TTBK1: variants seen among roughly 807,000 people sequenced by gnomAD.
TTBK1 encodes the protein tau-tubulin kinase 1.
A neutral mutation model predicts 108.5 loss-of-function variants in TTBK1; 34 were observed. The observed-to-expected ratio is 0.31, with a 90% CI of 0.24 to 0.42. The LOEUF (loss-of-function observed/expected upper bound fraction) is 0.42, where lower values mean the gene tolerates loss of function less well. Among genes scored for constraint, TTBK1 ranks in the 10% least tolerant of loss-of-function variants. TTBK1 has a pLI of 1.00. For missense variants in TTBK1, 1,539 were observed against 1,826.0 expected (o/e 0.84, Z 2.86); for synonymous variants, 809 against 795.1 (o/e 1.02, Z -0.29).
At chr6:43,274,297 A>G (rs1165970351) in intron 13 of TTBK1, among the ~76,000 whole-genome samples, 1 of 151,930 alleles carries the variant, frequency 6.6e-6, no homozygotes, top group Non-Finnish European at 1.5e-5. Context: ...TGGGTGGGGG[A>G]TGGTGGCACC....
chr6:43,272,082 G>A, intron 13 of TTBK1: 1 of 985,476 alleles, frequency 1.0e-6, no homozygotes, highest in Non-Finnish European at 1.2e-6. Context: ...TGCTGGCACT[G>A]CCTCCCCCAG....
rs1442320891 is a variant in TTBK1 at position 43,282,245 on chromosome 6, C to T, written c.1987-482C>T. Among the ~76,000 whole-genome samples the T allele has an allele frequency of 3.9e-5, 6 of 152,212 alleles. No individual in the cohort carries two copies. The highest frequency in any genetic ancestry group is 1.3e-4 in the Admixed American group (2 of 15,282). Reference sequence around the variant, plus strand: ...TACTGAGGGCATCTAGGAGCCAGCCCGGCACAGCCCATCCAGGAAGTGGCA... The same window carrying T: ...TACTGAGGGCATCTAGGAGCCAGCCTGGCACAGCCCATCCAGGAAGTGGCA... On this transcript the variant is annotated intron_variant, in intron 13 of 14. Transcript: ENST00000259750. The surrounding 1 kb of genome is among the most constrained non-coding windows in gnomAD (Gnocchi z 5.4).
rs1315830706 is a variant in TTBK1 at position 43,286,544 on chromosome 6, T to G, written c.*1168T>G. 1 of 152,454 alleles carries G rather than the reference T, an allele frequency of 6.6e-6. No homozygotes were observed. The highest frequency in any genetic ancestry group is 2.4e-5 in the African/African-American group (1 of 41,432). The allele number at this position is 152,454 out of a possible 1,614,324, so 9.4% of individuals were successfully genotyped here. ...AATGGGCAGAGAGAGCAGAGACAGG[T>G]GGACCAACAGACAGCTGGCCCCTGG... On this transcript the variant is annotated 3_prime_UTR_variant, in exon 15 of 15. Transcript: ENST00000259750. This position sits in a 1 kb window ranked among gnomAD's most constrained non-coding sequence, Gnocchi z 4.6.
rs555957876 is a variant in TTBK1, at chr6:43,282,762, C to A, written c.2022C>A (p.Gly674=). ...FSVAPPFEVN[G]LPRAVPLSLP... is the part of the protein sequence containing the mutation. Reference sequence around the variant, plus strand: ...TGGCGCCCCCATTTGAGGTGAATGGCCTCCCACGAGCTGTGCCTCTGAGTC... The same window carrying A: ...TGGCGCCCCCATTTGAGGTGAATGGACTCCCACGAGCTGTGCCTCTGAGTC... Residue 674 remains glycine (G), a synonymous_variant, in exon 14 of 15, where the codon GGC becomes GGA. Coordinates refer to ENST00000259750, the MANE Select transcript of TTBK1 (RefSeq NM_032538.3). This position sits in a 1 kb window ranked among gnomAD's most constrained non-coding sequence, Gnocchi z 5.4. The A allele has an allele frequency of 1.6e-5, 25 of 1,610,992 alleles. No homozygotes were observed. The highest frequency in any genetic ancestry group is 2.1e-5 in the Non-Finnish European group (25 of 1,179,024).
In TTBK1 at chr6:43,284,076, C is replaced by T; in HGVS notation, c.3336C>T (p.Ser1112=). The T allele has an allele frequency of 6.5e-7, 1 of 1,540,582 alleles. No individual in the cohort carries two copies. Among genetic ancestry groups the T allele is most frequent in the Non-Finnish European group, 8.7e-7 (1 of 1,143,436 alleles). Residue 1112 remains serine, a synonymous_variant, in exon 14 of 15, where the codon TCC becomes TCT. Transcript: ENST00000259750. The stretch of plus-strand genomic sequence containing the variant: ...GGCTGGCCTCAGGGGCCTCGTCCTC[C>T]TCCAGTGAGGAGCAGCGCCGTGCCT... ...LLRLASGASS[S]SSEEQRRASE...
chr6:43,284,382 C>CAGAACCAAGGTGAGGGGCTTCTCA, intron 14 of TTBK1, 70 bp downstream of exon 14: 1 of 1,480,114 alleles, frequency 6.8e-7, no homozygotes, highest in Non-Finnish European at 8.9e-7. Context: ...GGGGCTTCTC[C>CAGAACCAAGGTGAGGGGCTTCTCA]AGAACCAAGG....
rs1322054632 is a variant in TTBK1, at chr6:43,253,548, C to A, written c.331-20C>A. ...TGATGGCTGAGGGTGAGTCTACCCC[C>A]CACCTCCACCCCCATGCAGGGCCGG... is the stretch of plus-strand genomic sequence containing the variant. On this transcript the variant is annotated intron_variant, in intron 4 of 14. Coordinates refer to ENST00000259750, the MANE Select transcript of TTBK1 (RefSeq NM_032538.3). This position sits in a 1 kb window ranked among gnomAD's most constrained non-coding sequence, Gnocchi z 5.8. 13 of 1,596,280 alleles carry A rather than the reference C, an allele frequency of 8.1e-6. No individual in the cohort carries two copies. Among genetic ancestry groups the A allele is most frequent in the Non-Finnish European group, 1.0e-5 (12 of 1,171,072 alleles).
chr6:43,278,199 G>C (rs558717823), intron 13 of TTBK1, among the ~76,000 whole-genome samples: 1 of 152,350 alleles, frequency 6.6e-6, no homozygotes, highest in African/African-American at 2.4e-5. Flanking sequence ...TGAGAGCCCA[G>C]TTTTGTTGGT....
chr6:43,250,134 C>T (rs926113757), intron 2 of TTBK1, among the ~76,000 whole-genome samples: 2 of 151,940 alleles, frequency 1.3e-5, no homozygotes, highest in African/African-American at 2.4e-5. Flanking sequence ...GAGAAATACC[C>T]TAGGGCACCC....
chr6:43,259,641 G>A lies in TTBK1; in HGVS notation c.1359G>A (p.Arg453=), dbSNP rs760924319. ...CAGTCCGTTCTCTGCGCTACCGGAG[G>A]GTGAACAGCCCTGAGTCAGAAAGGC... The part of the protein sequence containing the change: ...TTPVRSLRYR[R]VNSPESERLS... The change falls in exon 12 of 15, where the codon AGG becomes AGA. Residue 453 remains arginine, a synonymous_variant. Coordinates refer to ENST00000259750, the MANE Select transcript of TTBK1 (RefSeq NM_032538.3). This position sits in a 1 kb window ranked among gnomAD's most constrained non-coding sequence, Gnocchi z 6.7. 2.5e-6 allele frequency: 4 copies of A among 1,609,856 alleles called. No homozygotes were observed. Among genetic ancestry groups the A allele is most frequent in the South Asian group, 1.1e-5 (1 of 90,064 alleles).
intron 2 of TTBK1, among the ~76,000 whole-genome samples, chr6:43,250,231 A>C (rs1777199741): frequency 6.6e-6 from 1 of 152,064 alleles, no homozygotes; most frequent in South Asian, 2.1e-4. Context: ...GGAGCCTGGC[A>C]GATCTGGGCT....
chr6:43,261,908 C>A (rs1777551041), intron 12 of TTBK1, among the ~76,000 whole-genome samples: 2 of 151,702 alleles, frequency 1.3e-5, no homozygotes, highest in African/African-American at 4.9e-5. Flanking sequence ...CCCTGCGCAG[C>A]AGAGCTCACA....
Position 43,285,545 on chromosome 6 carries a change from C to T in TTBK1, c.*169C>T, listed in dbSNP as rs1778354154. On this transcript the variant is annotated 3_prime_UTR_variant, in exon 15 of 15. Transcript: ENST00000259750. This position sits in a 1 kb window ranked among gnomAD's most constrained non-coding sequence, Gnocchi z 4.7. The stretch of plus-strand genomic sequence containing the variant: ...ACGCGCGCGAGCACACGCGGCGCCC[C>T]GCCAGGCCTTAGGGCCCGTGGGGGA... 7.6e-6 allele frequency: 7 copies of T among 924,802 alleles called. No individual in the cohort carries two copies. The highest frequency in any genetic ancestry group is 9.8e-6 in the Non-Finnish European group (7 of 715,778). The allele number at this position is 924,802 out of a possible 1,614,324, so 57.3% of individuals were successfully genotyped here. A position where few individuals can be genotyped will look rare whatever the true frequency, so the allele number is the denominator to read the frequency against.
At chr6:43,251,967 A>T (rs2150684472) in intron 2 of TTBK1, among the ~76,000 whole-genome samples, 1 of 152,168 alleles carries the variant, frequency 6.6e-6, no homozygotes, top group East Asian at 1.9e-4. Context: ...TCCCCAGGGG[A>T]TCAATCCGCC....
In TTBK1 at chr6:43,253,489, G is replaced by T. The variant is rs1777303639; in HGVS notation, c.331-79G>T. ...AGTGGGCACAACCCTTTGGGGTGAG[G>T]CTGGGAAGAGTATCACAATGATGGT... is the stretch of plus-strand genomic sequence containing the variant. On this transcript the variant is annotated intron_variant, in intron 4 of 14. Transcript: ENST00000259750. This position sits in a 1 kb window ranked among gnomAD's most constrained non-coding sequence, Gnocchi z 5.8. 8 of 1,588,454 alleles carry T rather than the reference G, an allele frequency of 5.0e-6. No individual in the cohort carries two copies. The South Asian group carries it at 8.0e-5, about 16-fold the overall frequency.
intron 2 of TTBK1, among the ~76,000 whole-genome samples, chr6:43,248,578 C>A (rs1249234529): frequency 6.6e-6 from 1 of 152,120 alleles, no homozygotes; most frequent in Non-Finnish European, 1.5e-5. Context: ...CAAAAATTAG[C>A]CGGGTGTGGC....
At position 43,253,448 on chromosome 6, in the gene TTBK1, G is replaced by C; in HGVS notation, c.330+84G>C. The C allele has an allele frequency of 6.3e-7, 1 of 1,599,302 alleles. No individual in the cohort carries two copies. Among genetic ancestry groups the C allele is most frequent in the Non-Finnish European group, 8.5e-7 (1 of 1,169,836 alleles). On this transcript the variant is annotated intron_variant, in intron 4 of 14. Transcript: ENST00000259750. This position sits in a 1 kb window ranked among gnomAD's most constrained non-coding sequence, Gnocchi z 5.8. Reference sequence around the variant, plus strand: ...GGTAGGGGAAGGGAAGGTAGACTGTGGCCCTGGGAAAGGGCAGTGGGCACA... The same window carrying C: ...GGTAGGGGAAGGGAAGGTAGACTGTCGCCCTGGGAAAGGGCAGTGGGCACA...
At position 43,285,365 on chromosome 6, in the gene TTBK1, G is replaced by T. The variant is rs1006755898; in HGVS notation, c.3955G>T (p.Gly1319Trp). 13 of 1,280,096 alleles carry T rather than the reference G, an allele frequency of 1.0e-5. No homozygotes were observed. Among genetic ancestry groups the T allele is most frequent in the Non-Finnish European group, 9.8e-6 (10 of 1,018,388 alleles). The allele number at this position is 1,280,096 out of a possible 1,614,324, so 79.3% of individuals were successfully genotyped here. A position where few individuals can be genotyped will look rare whatever the true frequency, so the allele number is the denominator to read the frequency against. Residue 1319 changes from glycine to tryptophan, a missense_variant, in exon 15 of 15, where the codon GGG becomes TGG. Transcript: ENST00000259750. This position sits in a 1 kb window ranked among gnomAD's most constrained non-coding sequence, Gnocchi z 4.7. ...GRAGGAEGRAGAR is the reference protein window; with the variant it reads ...GRAGGAEGRAWAR ...GGCAGGAGGCGCGGAGGGCCGGGCT[G>T]GGGCCAGATAATGACGCCCGCTGCT...
In TTBK1 at chr6:43,283,444, G is replaced by C; in HGVS notation, c.2704G>C (p.Ala902Pro). 1 of 1,613,744 alleles carries C rather than the reference G, an allele frequency of 6.2e-7. No individual in the cohort carries two copies. The change falls in exon 14 of 15, where the codon GCA becomes CCA. Residue 902 changes from alanine to proline, a missense_variant. Physicochemically the swap from Ala to Pro is conservative, Grantham distance 27. Coordinates refer to ENST00000259750, the MANE Select transcript of TTBK1 (RefSeq NM_032538.3). This position sits in a 1 kb window ranked among gnomAD's most constrained non-coding sequence, Gnocchi z 8.1. ...KSEPKPPGPG[A>P]GLGAGTVTTG... ...TGAGCCCAAGCCCCCGGGGCCTGGG[G>C]CAGGGCTGGGGGCCGGGACAGTGAC...
Sources: gnomAD v4.1 joint callset for allele counts (sites outside exome capture counted in the v4.1 genomes callset) on GRCh38, gnomAD v4.1.1 for gene constraint, Gnocchi (gnomAD v3.1) non-coding constraint, MANE v1.5 for transcripts, NCBI Gene and HGNC (gene_info 2026-07-23, HGNC 2026-07-21) for gene names.